Variants in ROR1 observed in about 807,000 individuals in gnomAD.
ROR1 encodes ROR family WNT receptor 1.
Under a neutral mutation model 78.8 loss-of-function variants are expected in ROR1, and 19 were observed. The ratio of observed to expected loss-of-function variants is 0.24; its 90% CI spans 0.17 to 0.35. ROR1 has a LOEUF of 0.35. ROR1 is among the 10% of genes least tolerant of loss of function. The probability of loss-of-function intolerance (pLI) is 1.00; values close to 1 mark genes in which losing one functional copy is unlikely to be tolerated. For missense variants in ROR1, 917 were observed against 1,177.8 expected (o/e 0.78, Z 3.24); for synonymous variants, 386 against 433.6 (o/e 0.89, Z 1.36).
At chr1:64,115,862 T>C (rs1185953274) in intron 4 of ROR1, among the ~76,000 whole-genome samples, 1 of 152,106 alleles carries the variant, frequency 6.6e-6, no homozygotes, top group Non-Finnish European at 1.5e-5. Context: ...AATACCTGCC[T>C]CTGCATGATT....
chr1:64,165,409 A>G (rs1371445092), intron 8 of ROR1, among the ~76,000 whole-genome samples: 1 of 151,980 alleles, frequency 6.6e-6, no homozygotes, highest in East Asian at 1.9e-4. Flanking sequence ...GTGTCTGTTC[A>G]TGTCCTTTTT....
At chr1:64,154,780 T>C (rs745770426) in intron 7 of ROR1, among the ~76,000 whole-genome samples, 2 of 152,228 alleles carry the variant, frequency 1.3e-5, no homozygotes, top group African/African-American at 2.4e-5. Context: ...GTAACTAATA[T>C]GTGCATTTCA....
intron 1 of ROR1, among the ~76,000 whole-genome samples, chr1:63,799,149 A>G (rs867879613): frequency 9.2e-5 from 14 of 152,314 alleles, no homozygotes; most frequent in Admixed American, 2.0e-4. Context: ...TAGGAAAACT[A>G]GAGATAATAC....
intron 1 of ROR1, among the ~76,000 whole-genome samples, chr1:63,936,693 G>A (rs1320575593): frequency 2.6e-5 from 4 of 152,106 alleles, no homozygotes; most frequent in Admixed American, 1.3e-4. Flanking sequence ...ACATCCTGCC[G>A]ATGCCATTTT....
At chr1:63,921,086 AGTGCTTACTGT>A (rs1389655744) in intron 1 of ROR1, among the ~76,000 whole-genome samples, 1 of 152,246 alleles carries the variant, frequency 6.6e-6, no homozygotes, top group Non-Finnish European at 1.5e-5. Flanking sequence ...ATGTTTATGT[AGTGCTTACTGT>A]GTGCCAGACA....
intron 4 of ROR1, chr1:64,105,653 T>A (rs1231472383): frequency 6.6e-6 from 1 of 152,236 alleles, no homozygotes. Context: ...GGAAGGGTGA[T>A]CCAGTTTCAG....
intron 1 of ROR1, among the ~76,000 whole-genome samples, chr1:63,938,137 G>A (rs1346558793): frequency 6.6e-6 from 1 of 151,890 alleles, no homozygotes; most frequent in Non-Finnish European, 1.5e-5. Flanking sequence ...AAGTCAAATG[G>A]AAAATATCAG....
intron 4 of ROR1, among the ~76,000 whole-genome samples, chr1:64,066,071 T>G (rs1646953375): frequency 6.6e-6 from 1 of 152,204 alleles, no homozygotes; most frequent in Admixed American, 6.5e-5. Flanking sequence ...GGTTCAGTCA[T>G]TACAAATGTC....
chr1:63,869,694 G>A (rs574974624), intron 1 of ROR1, among the ~76,000 whole-genome samples: 6 of 152,306 alleles, frequency 3.9e-5, no homozygotes, highest in Admixed American at 3.3e-4. Context: ...GCTGGTCTTT[G>A]TCTGAGTTGC....
chr1:64,068,722 C>T (rs1322861109), intron 4 of ROR1, among the ~76,000 whole-genome samples: 3 of 152,048 alleles, frequency 2.0e-5, no homozygotes, highest in Non-Finnish European at 2.9e-5. Context: ...GCTAGAGTAC[C>T]ATCCATTGTG....
chr1:64,155,624 AT>A (rs1175040077), intron 7 of ROR1, among the ~76,000 whole-genome samples: 24 of 152,320 alleles, frequency 1.6e-4, no homozygotes, highest in African/African-American at 5.5e-4. Context: ...AAGACCTTCC[AT>A]GAATAATCTG....
chr1:64,011,714 T>C (rs143185760), intron 2 of ROR1, among the ~76,000 whole-genome samples: 106 of 152,282 alleles, frequency 7.0e-4, no homozygotes, highest in African/African-American at 2.5e-3. Context: ...TTTCTGGAGG[T>C]ACGAGGATGC....
intron 1 of ROR1, among the ~76,000 whole-genome samples, chr1:64,002,422 C>T (rs755895274): frequency 2.6e-5 from 4 of 152,112 alleles, no homozygotes; most frequent in Non-Finnish European, 5.9e-5. Flanking sequence ...TTGCGCCCGG[C>T]CTGGTTCGAG....
At chr1:63,777,978 T>G (rs1344515997) in intron 1 of ROR1, among the ~76,000 whole-genome samples, 1 of 152,250 alleles carries the variant, frequency 6.6e-6, no homozygotes, top group Non-Finnish European at 1.5e-5. Context: ...TTTTCAAGGA[T>G]TTTTCCTTTT....
chr1:64,110,437 A>G (rs577477138), intron 4 of ROR1, among the ~76,000 whole-genome samples: 1 of 152,242 alleles, frequency 6.6e-6, no homozygotes, highest in African/African-American at 2.4e-5. Flanking sequence ...TTTTGCATTC[A>G]GGTCAATTGA....
intron 4 of ROR1, among the ~76,000 whole-genome samples, chr1:64,061,552 C>T (rs529684138): frequency 6.6e-6 from 1 of 152,262 alleles, no homozygotes; most frequent in South Asian, 2.1e-4. Flanking sequence ...AATGCAAATT[C>T]TAAAAGAGCA....
chr1:63,916,378 G>T (rs1022115857), intron 1 of ROR1, among the ~76,000 whole-genome samples: 7 of 152,070 alleles, frequency 4.6e-5, no homozygotes, highest in Non-Finnish European at 1.0e-4. Context: ...TTAAGGGAGT[G>T]GTAGGGATTG....
chr1:64,005,941 C>A lies in ROR1; in HGVS notation c.92-3364C>A, dbSNP rs188256091. ...AAACTCCCCAGAATCAGCACAATCA[C>A]TTAATGAGCTTGCGAATTGAAATTA... On this transcript the variant is annotated intron_variant, in intron 1 of 8. Transcript: ENST00000371079. 9.2e-5 allele frequency among the ~76,000 whole-genome samples: 14 copies of A among 152,282 alleles called. No homozygotes were observed. The East Asian group carries it at 2.5e-3, about 27-fold the overall frequency.
chr1:63,796,770 G>A (rs1644763722), intron 1 of ROR1, among the ~76,000 whole-genome samples: 1 of 152,168 alleles, frequency 6.6e-6, no homozygotes, highest in Non-Finnish European at 1.5e-5. Flanking sequence ...GGTGGAGAGA[G>A]GAGAGGAGGA....
Sources: gnomAD v4.1 joint callset for allele counts (sites outside exome capture counted in the v4.1 genomes callset) on GRCh38, gnomAD v4.1.1 for gene constraint, MANE v1.5 for transcripts, NCBI Gene and HGNC (gene_info 2026-07-23, HGNC 2026-07-21) for gene names.